The following LMAN1 variants were observed in gnomAD, a reference collection of about 807,000 sequenced individuals.
LMAN1 encodes protein ERGIC-53.
A neutral mutation model predicts 67.8 loss-of-function variants in LMAN1; 32 were observed. The ratio of observed to expected loss-of-function variants is 0.47; its 90% CI spans 0.36 to 0.63. The LOEUF (loss-of-function observed/expected upper bound fraction) is 0.63. Among genes scored for constraint, LMAN1 ranks in the 30% least tolerant of loss-of-function variants. The pLI, the probability that LMAN1 is intolerant of heterozygous loss-of-function variation, is 0.00. For synonymous variants in LMAN1, 235 were observed against 219.3 expected (o/e 1.07, Z -0.63); for missense variants, 632 against 628.2 (o/e 1.01, Z -0.06).
At chr18:59,356,938 T>C (rs1346812704) in intron 1 of LMAN1, among the ~76,000 whole-genome samples, 2 of 152,194 alleles carry the variant, frequency 1.3e-5, no homozygotes. Flanking sequence ...AAAGGAACAT[T>C]AGAGTTAAGA....
intron 7 of LMAN1, among the ~76,000 whole-genome samples, chr18:59,347,113 C>G (rs1027638608): frequency 1.3e-5 from 2 of 151,616 alleles, no homozygotes; most frequent in Admixed American, 1.3e-4. Flanking sequence ...AGCCTGTAGT[C>G]CCAGCTACTC....
chr18:59,358,358 A>G (rs1908709023), intron 1 of LMAN1, among the ~76,000 whole-genome samples: 1 of 152,226 alleles, frequency 6.6e-6, no homozygotes, highest in South Asian at 2.1e-4. Flanking sequence ...CTTCTCCTAA[A>G]AAGTTACATA....
intron 4 of LMAN1, 137 bp downstream of exon 4, chr18:59,354,382 C>T: frequency 1.6e-6 from 1 of 634,578 alleles, no homozygotes; most frequent in Non-Finnish European, 2.8e-6. Context: ...AACCTTTCTA[C>T]CAAGTTACAA....
chr18:59,358,767 C>A (rs1027019362), intron 1 of LMAN1, among the ~76,000 whole-genome samples: 8 of 152,012 alleles, frequency 5.3e-5, no homozygotes, highest in African/African-American at 1.9e-4. Flanking sequence ...ACGGAAAGTA[C>A]CGACGAGATC....
At chr18:59,358,019 C>T (rs978184651) in intron 1 of LMAN1, among the ~76,000 whole-genome samples, 1 of 151,080 alleles carries the variant, frequency 6.6e-6, no homozygotes, top group African/African-American at 2.4e-5. Context: ...TTCAAACTGC[C>T]AGAGCTCCTC....
At chr18:59,339,044 A>C in intron 8 of LMAN1, 91 bp from the exon 9 acceptor site, 1 of 989,564 alleles carries the variant, frequency 1.0e-6, no homozygotes, top group Non-Finnish European at 1.6e-6. Flanking sequence ...AACATTCAGC[A>C]AAATTAGGAC....
rs564651529 is a variant in LMAN1 at position 59,328,765 on chromosome 18, C to A, written c.*2328G>T. On this transcript the variant is annotated 3_prime_UTR_variant, in exon 13 of 13. Coordinates refer to ENST00000251047, the MANE Select transcript of LMAN1 (RefSeq NM_005570.4). ...ACACTGATATCCCCTTAATACATAA[C>A]AAAACATTGTTTACTGTTTATGACT... 6.6e-6 allele frequency: 1 copy of A among 152,060 alleles called. No homozygotes were observed. The highest frequency in any genetic ancestry group is 2.4e-5 in the African/African-American group (1 of 41,376). 9.4% of individuals were successfully genotyped at this position (152,060 alleles called of 1,614,324 possible).
At position 59,331,517 on chromosome 18, in the gene LMAN1, C is replaced by A. The variant is rs1400131849; in HGVS notation, c.1397G>T (p.Cys466Phe). 3.7e-6 allele frequency: 6 copies of A among 1,613,236 alleles called. No homozygotes were observed. Among genetic ancestry groups the A allele is most frequent in the East Asian group, 2.2e-5 (1 of 44,850 alleles). Reference protein sequence around the residue: ...RNMPSNEKPKCPELPPFPSCL... With the variant: ...RNMPSNEKPKFPELPPFPSCL... ...TGATGGAAATGGTGGTAGTTCTGGGCATTTCGGCTTTTCATTTGATGGCTG... is the reference window on the plus strand; with the variant it reads ...TGATGGAAATGGTGGTAGTTCTGGGAATTTCGGCTTTTCATTTGATGGCTG... Residue 466 changes from cysteine (C) to phenylalanine (F), a missense_variant, in exon 12 of 13, where the codon TGC (cysteine) becomes TTC (phenylalanine). Physicochemically the swap from Cys to Phe is radical, Grantham distance 205. Transcript: ENST00000251047.
chr18:59,347,738 A>G (rs1312713589), intron 6 of LMAN1, among the ~76,000 whole-genome samples, 167 bp from the exon 7 acceptor site: 2 of 152,282 alleles, frequency 1.3e-5, no homozygotes, highest in Admixed American at 1.3e-4. Flanking sequence ...GTGAGCTTAG[A>G]GACCAAAATT....
chr18:59,333,690 A>T lies in LMAN1; in HGVS notation c.1221-446T>A, dbSNP rs41457147. The T allele has an allele frequency of 9.1e-3, 1,448 of 158,628 alleles. 12 individuals are homozygous for T. The highest frequency in any genetic ancestry group is 0.021 in the South Asian group (113 of 5,428). The allele number at this position is 158,628 out of a possible 1,614,324, so 9.8% of individuals were successfully genotyped here. The stretch of plus-strand genomic sequence containing the variant: ...ATATAGATGATTTCACTCATACAGC[A>T]TATAGTAGGAGGCTAATGGCTTTGT... On this transcript the variant is annotated intron_variant, in intron 10 of 12. Coordinates refer to ENST00000251047, the MANE Select transcript of LMAN1 (RefSeq NM_005570.4).
At position 59,346,064 on chromosome 18, in the gene LMAN1, G is replaced by A. The variant is rs1391765776; in HGVS notation, c.823-13C>T. The stretch of plus-strand genomic sequence containing the variant: ...TATCTGGTGTGGGCTTTTTTTTGGA[G>A]TTTTGGAATAGATCATTAAAAAGAT... On this transcript the variant is annotated splice_polypyrimidine_tract_variant and intron_variant, in intron 7 of 12. Transcript: ENST00000251047. The A allele has an allele frequency of 6.3e-7, 1 of 1,592,504 alleles. No individual in the cohort carries two copies. The highest frequency in any genetic ancestry group is 8.6e-7 in the Non-Finnish European group (1 of 1,168,102).
At position 59,349,223 on chromosome 18, in the gene LMAN1, T is replaced by C. The variant is rs771160706; in HGVS notation, c.653A>G (p.Asn218Ser). 1.6e-5 allele frequency: 26 copies of C among 1,612,836 alleles called. No homozygotes were observed. Among genetic ancestry groups the C allele is most frequent in the Non-Finnish European group, 2.0e-5 (24 of 1,178,990 alleles). ...ATCATTTTTATCTGGTGTAAAGCCATTATTGATCATTACCTAGAAAGACAT... is the reference window on the plus strand; with the variant it reads ...ATCATTTTTATCTGGTGTAAAGCCACTATTGATCATTACCTAGAAAGACAT... ...YQNTLTVMIN[N>S]GFTPDKNDYE... Residue 218 changes from asparagine to serine, a missense_variant, in exon 6 of 13, where the codon AAT (asparagine) becomes AGT (serine). Coordinates refer to ENST00000251047, the MANE Select transcript of LMAN1 (RefSeq NM_005570.4).
At chr18:59,353,353 TAA>T (rs1286637843) in intron 4 of LMAN1, 52 bp from the exon 5 acceptor site, 4 of 1,311,192 alleles carry the variant, frequency 3.1e-6, no homozygotes, top group Non-Finnish European at 3.3e-6. Flanking sequence ...TTTCAATATT[TAA>T]AAATTCAGGA....
intron 10 of LMAN1, among the ~76,000 whole-genome samples, chr18:59,337,500 A>G (rs4940866): frequency 0.57 from 86,207 of 151,994 alleles, 24,930 homozygotes; most frequent in African/African-American, 0.69. Flanking sequence ...CCATGGTTAT[A>G]TAAATTAGAG....
chr18:59,338,067 T>C (rs371436833), intron 10 of LMAN1, among the ~76,000 whole-genome samples: 20 of 152,304 alleles, frequency 1.3e-4, no homozygotes, highest in African/African-American at 4.8e-4. Context: ...GCTCCAACTC[T>C]GTCCAGTCTC....
intron 8 of LMAN1, among the ~76,000 whole-genome samples, chr18:59,344,353 C>T (rs1055040587): frequency 1.3e-5 from 2 of 152,108 alleles, no homozygotes; most frequent in East Asian, 3.8e-4. Context: ...ACGTTTATTG[C>T]AGCCCTATTT....
chr18:59,345,282 A>G (rs970291944), intron 8 of LMAN1, among the ~76,000 whole-genome samples: 89 of 152,250 alleles, frequency 5.8e-4, no homozygotes, highest in Non-Finnish European at 1.0e-4. Flanking sequence ...AAAAGCTAGC[A>G]GATAATATAA....
Position 59,338,606 on chromosome 18 carries a change from T to C in LMAN1, c.1171A>G (p.Thr391Ala). 1.2e-6 allele frequency: 2 copies of C among 1,613,768 alleles called. No homozygotes were observed. Among genetic ancestry groups the C allele is most frequent in the South Asian group, 1.1e-5 (1 of 91,076 alleles). Reference sequence around the variant, plus strand: ...ATCTCATGCTGAGTTTTCACAACAGTATCCAGTTCTTGTTGAGTAATCTGG... The same window carrying C: ...ATCTCATGCTGAGTTTTCACAACAGCATCCAGTTCTTGTTGAGTAATCTGG... ...HGQITQQELD[T>A]VVKTQHEILR... Residue 391 changes from threonine (T) to alanine (A), a missense_variant, in exon 10 of 13, where the codon ACT (threonine) becomes GCT (alanine). Coordinates refer to ENST00000251047, the MANE Select transcript of LMAN1 (RefSeq NM_005570.4).
At chr18:59,336,202 C>T (rs41363044) in intron 10 of LMAN1, among the ~76,000 whole-genome samples, 384 of 152,218 alleles carry the variant, frequency 2.5e-3, no homozygotes, top group African/African-American at 8.7e-3. Context: ...AACGGCACCG[C>T]GGTAGTAATG....
Sources: allele counts gnomAD v4.1 joint callset (sites outside exome capture counted in the v4.1 genomes callset), GRCh38; gene constraint gnomAD v4.1.1; transcripts MANE v1.5; gene names NCBI Gene and HGNC (gene_info 2026-07-23, HGNC 2026-07-21).